ITGA11: variants seen among roughly 807,000 people sequenced by gnomAD.
ITGA11 encodes the protein integrin subunit alpha 11, also known as integrin alpha-11.
In ITGA11, 97 loss-of-function variants were observed where a neutral mutation model predicts 141.9. The observed-to-expected ratio is 0.68, with a 90% CI of 0.58 to 0.81. The LOEUF (loss-of-function observed/expected upper bound fraction) is 0.81. Ranked by LOEUF, ITGA11 falls within the 30% of genes least tolerant of loss-of-function variation. The pLI is 0.00. For missense variants in ITGA11, 1,387 were observed against 1,559.2 expected (o/e 0.89, Z 1.86); for synonymous variants, 658 against 624.6 (o/e 1.05, Z -0.80).
At chr15:68,430,884 C>A (rs1897251902) in intron 1 of ITGA11, among the ~76,000 whole-genome samples, 1 of 152,244 alleles carries the variant, frequency 6.6e-6, no homozygotes, top group African/African-American at 2.4e-5. Context: ...TCGCGTGGTA[C>A]CCGGGGACTG....
intron 2 of ITGA11, among the ~76,000 whole-genome samples, chr15:68,380,184 G>T (rs1895823764): frequency 6.6e-6 from 1 of 152,164 alleles, no homozygotes; most frequent in Non-Finnish European, 1.5e-5. Context: ...TTCCAGCTGT[G>T]TCTACCAGCC....
intron 1 of ITGA11, among the ~76,000 whole-genome samples, chr15:68,405,784 G>C (rs1042023834): frequency 3.2e-4 from 49 of 151,000 alleles, no homozygotes; most frequent in African/African-American, 1.2e-3. Flanking sequence ...GGTGGGCATA[G>C]GGGGGTTACT....
At chr15:68,412,090 G>A (rs560048961) in intron 1 of ITGA11, among the ~76,000 whole-genome samples, 1 of 152,220 alleles carries the variant, frequency 6.6e-6, no homozygotes, top group African/African-American at 2.4e-5. Context: ...TTATTATTGT[G>A]TGCCACTGAG....
rs1168664800 is a variant in ITGA11, at chr15:68,299,138, G to GGTAA, written c.*3917_*3920dup. 1 of 152,170 alleles carries GGTAA rather than the reference G, an allele frequency of 6.6e-6. No individual in the cohort carries two copies. Among genetic ancestry groups the GGTAA allele is most frequent in the African/African-American group, 2.4e-5 (1 of 41,418 alleles). The allele number at this position is 152,170 out of a possible 1,614,324, so 9.4% of individuals were successfully genotyped here. On this transcript the variant is annotated 3_prime_UTR_variant, in exon 30 of 30. Coordinates refer to ENST00000315757, the MANE Select transcript of ITGA11 (RefSeq NM_001004439.2). ...TCTGCTTGTACTCTACTTTGGACCT[G>GGTAA]GTAAGTTTGCTAGGTACGGCTTAGC...
intron 1 of ITGA11, among the ~76,000 whole-genome samples, chr15:68,420,102 C>G (rs1039168352): frequency 1.3e-5 from 2 of 152,180 alleles, no homozygotes; most frequent in African/African-American, 4.8e-5. Context: ...CTATGTTCAG[C>G]TCCCACCATC....
intron 1 of ITGA11, among the ~76,000 whole-genome samples, chr15:68,424,849 C>A (rs1257307283): frequency 6.6e-6 from 1 of 152,240 alleles, no homozygotes; most frequent in Non-Finnish European, 1.5e-5. Context: ...GTTCCCAAAG[C>A]AGTCTTGAGG....
chr15:68,384,598 A>G (rs1895939204), intron 2 of ITGA11, among the ~76,000 whole-genome samples: 1 of 152,152 alleles, frequency 6.6e-6, no homozygotes, highest in African/African-American at 2.4e-5. Flanking sequence ...CCCTGGGCCA[A>G]CGTTTCCCCA....
intron 2 of ITGA11, among the ~76,000 whole-genome samples, chr15:68,398,285 C>G (rs1054125977): frequency 6.7e-4 from 101 of 151,676 alleles, no homozygotes; most frequent in African/African-American, 2.4e-3. Flanking sequence ...CACATAGGCT[C>G]AAAATAAAAG....
intron 1 of ITGA11, among the ~76,000 whole-genome samples, chr15:68,406,532 C>T (rs1896655026): frequency 6.6e-6 from 1 of 152,180 alleles, no homozygotes; most frequent in Non-Finnish European, 1.5e-5. Context: ...TTGTCCATCA[C>T]CAGGCCACCA....
At chr15:68,388,291 A>G (rs1017114672) in intron 2 of ITGA11, among the ~76,000 whole-genome samples, 4 of 151,914 alleles carry the variant, frequency 2.6e-5, no homozygotes, top group Non-Finnish European at 5.9e-5. Context: ...TTCACTTGCC[A>G]TTTGCACTTG....
At chr15:68,359,144 G>A (rs552595645) in intron 5 of ITGA11, among the ~76,000 whole-genome samples, 2 of 152,298 alleles carry the variant, frequency 1.3e-5, no homozygotes, top group African/African-American at 4.8e-5. Context: ...GAGTTGCCTA[G>A]AGTAATTAAT....
intron 10 of ITGA11, among the ~76,000 whole-genome samples, chr15:68,342,720 G>A (rs1894608373): frequency 6.6e-6 from 1 of 152,244 alleles, no homozygotes; most frequent in South Asian, 2.1e-4. Context: ...CTCAGCCGGG[G>A]CAGGTTTGTG....
intron 3 of ITGA11, among the ~76,000 whole-genome samples, chr15:68,368,943 A>G (rs57366818): frequency 0.25 from 36,983 of 149,726 alleles, 5,900 homozygotes; most frequent in East Asian, 0.57. Context: ...GGCCTGGGAC[A>G]GCTAGGGCCT....
intron 1 of ITGA11, among the ~76,000 whole-genome samples, chr15:68,417,219 C>T (rs879451363): frequency 2.6e-5 from 4 of 152,166 alleles, no homozygotes; most frequent in Non-Finnish European, 5.9e-5. Flanking sequence ...TCACATTTCA[C>T]ATGCTGGAAA....
intron 1 of ITGA11, among the ~76,000 whole-genome samples, chr15:68,415,445 C>T (rs191549388): frequency 2.6e-5 from 4 of 152,272 alleles, no homozygotes; most frequent in Admixed American, 1.3e-4. Context: ...TTCAGCAGCA[C>T]GGGGGGCTTC....
chr15:68,329,074 T>A (rs1462773533), intron 15 of ITGA11, among the ~76,000 whole-genome samples: 1 of 152,222 alleles, frequency 6.6e-6, no homozygotes, highest in Non-Finnish European at 1.5e-5. Flanking sequence ...TCTGTGCCAA[T>A]ACTCTGTTCT....
At chr15:68,317,233 T>G in intron 21 of ITGA11, 32 bp downstream of exon 21, 70 of 708,280 alleles carry the variant, frequency 9.9e-5, no homozygotes, top group Non-Finnish European at 1.6e-4. Context: ...GTGCCCACCC[T>G]GACCCTCCCC....
Position 68,307,368 on chromosome 15 carries a change from C to T in ITGA11, c.3361G>A (p.Glu1121Lys), listed in dbSNP as rs750169874. 5.6e-5 allele frequency: 87 copies of T among 1,556,960 alleles called. No homozygotes were observed. The highest frequency in any genetic ancestry group is 7.2e-5 in the Non-Finnish European group (83 of 1,149,686). The change falls in exon 28 of 30, where the codon GAG becomes AAG. Residue 1121 changes from glutamate to lysine, a missense_variant. Glu to Lys is a moderately conservative substitution (Grantham distance 56, BLOSUM62 1). Coordinates refer to ENST00000315757, the MANE Select transcript of ITGA11 (RefSeq NM_001004439.2). The surrounding 1 kb of genome is among the most constrained non-coding windows in gnomAD (Gnocchi z 6.1). ...CTCACCTGGCGGCTGGGATCCTCCTCACGGAAGATGAAGGGGCTGTGGAAC... is the reference window on the plus strand; with the variant it reads ...CTCACCTGGCGGCTGGGATCCTCCTTACGGAAGATGAAGGGGCTGTGGAAC... ...RQFHSPFIFR[E>K]EDPSRQIVFE...
In ITGA11 at chr15:68,333,106, C is replaced by CTTT. The variant is rs3084602; in HGVS notation, c.1426-631_1426-629dup. On this transcript the variant is annotated intron_variant, in intron 12 of 29. Coordinates refer to ENST00000315757, the MANE Select transcript of ITGA11 (RefSeq NM_001004439.2). The surrounding 1 kb of genome is among the most constrained non-coding windows in gnomAD (Gnocchi z 4.2). ...TAATCAGTTATTGCTGGACGGTTAG[C>CTTT]TTTTTTTTTTTGAGGCAAGGTTTTG... Among the ~76,000 whole-genome samples the CTTT allele has an allele frequency of 2.4e-3, 359 of 148,876 alleles. 4 individuals carry two copies. Among genetic ancestry groups the CTTT allele is most frequent in the Middle Eastern group, 3.4e-3 (1 of 290 alleles).
Sources: gnomAD v4.1 joint callset for allele counts (sites outside exome capture counted in the v4.1 genomes callset) on GRCh38, gnomAD v4.1.1 for gene constraint, Gnocchi (gnomAD v3.1) non-coding constraint, MANE v1.5 for transcripts, NCBI Gene and HGNC (gene_info 2026-07-23, HGNC 2026-07-21) for gene names.